The following AGBL5 variants were observed in gnomAD, a reference collection of about 807,000 sequenced individuals.
AGBL5 encodes the protein cytosolic carboxypeptidase-like protein 5.
AGBL5 carries 51 observed loss-of-function variants against 88.0 expected under a neutral mutation model. That is an observed-to-expected ratio of 0.58 (90% CI 0.46 to 0.73). The LOEUF (loss-of-function observed/expected upper bound fraction) is 0.73, where lower values mean the gene tolerates loss of function less well. Among genes scored for constraint, AGBL5 ranks in the 30% least tolerant of loss-of-function variants. The probability of loss-of-function intolerance (pLI) is 0.00; values close to 1 mark genes in which losing one functional copy is unlikely to be tolerated. For missense variants in AGBL5, 1,031 were observed against 1,162.2 expected (o/e 0.89, Z 1.64); for synonymous variants, 446 against 438.8 (o/e 1.02, Z -0.21).
In AGBL5 at chr2:27,053,098, C is replaced by T. The variant is rs375216518; in HGVS notation, c.140C>T (p.Ala47Val). Residue 47 changes from alanine to valine, a missense_variant, in exon 2 of 15, where the codon GCC (alanine) becomes GTC (valine). This residue lies in a region of AGBL5 where 540 missense variants were observed against 678.2 expected (regional missense o/e 0.80). Coordinates refer to ENST00000360131, the MANE Select transcript of AGBL5 (RefSeq NM_021831.6). This position sits in a 1 kb window ranked among gnomAD's most constrained non-coding sequence, Gnocchi z 4.9. ...GCGTCAGCCCTGACCAGTGGCATTG[C>T]CTCTTCCCCTGACTATGAATTCAAC... The part of the protein sequence containing the change: ...GGASALTSGI[A>V]SSPDYEFNVW... 22 of 1,612,956 alleles carry T rather than the reference C, an allele frequency of 1.4e-5. No individual in the cohort carries two copies. Among genetic ancestry groups the T allele is most frequent in the Non-Finnish European group, 1.8e-5 (21 of 1,179,370 alleles).
At position 27,070,306 on chromosome 2, in the gene AGBL5, G is replaced by T. The variant is rs1391814645; in HGVS notation, c.*43G>T. On this transcript the variant is annotated 3_prime_UTR_variant, in exon 15 of 15. Coordinates refer to ENST00000360131, the MANE Select transcript of AGBL5 (RefSeq NM_021831.6). ...AGCCCAGGATATAGCCCCAAGATGGGGTAACAGTGGGAAATATGCTAGTTC... is the reference window on the plus strand; with the variant it reads ...AGCCCAGGATATAGCCCCAAGATGGTGTAACAGTGGGAAATATGCTAGTTC... The T allele has an allele frequency of 5.0e-6, 8 of 1,593,610 alleles. No individual in the cohort carries two copies. The highest frequency in any genetic ancestry group is 1.7e-5 in the Admixed American group (1 of 59,784).
At chr2:27,054,547 T>TAC in intron 4 of AGBL5, 83 bp from the exon 5 acceptor site, 1 of 1,382,262 alleles carries the variant, frequency 7.2e-7, no homozygotes. Context: ...GACCAGATTT[T>TAC]ACAGATCCTG....
rs773270119 is a variant in AGBL5 at position 27,068,650 on chromosome 2, T to C, written c.2261T>C (p.Leu754Ser). The C allele has an allele frequency of 4.3e-6, 7 of 1,613,952 alleles. No homozygotes were observed. In the African/African-American group the frequency reaches 6.7e-5, roughly 15 times the overall value. ...FNIPGSSCSL[L>S]SSGDKPEAVM... ...TCCCTAGGGAGCAGTTGCTCACTCTTGTCCTCTGGAGACAAACCAGAGGCT... is the reference window on the plus strand; with the variant it reads ...TCCCTAGGGAGCAGTTGCTCACTCTCGTCCTCTGGAGACAAACCAGAGGCT... The change falls in exon 13 of 15, where the codon TTG becomes TCG. Residue 754 changes from leucine to serine, a missense_variant. Leu to Ser is a moderately radical substitution (Grantham distance 145). This residue lies in a region of AGBL5 where 491 missense variants were observed against 484.0 expected (regional missense o/e 1.01). Coordinates refer to ENST00000360131, the MANE Select transcript of AGBL5 (RefSeq NM_021831.6).
At chr2:27,068,999 T>G (rs1669136361) in intron 13 of AGBL5, 2 of 1,444,764 alleles carry the variant, frequency 1.4e-6, no homozygotes, top group Admixed American at 4.2e-5. Flanking sequence ...GCCTGCTAGC[T>G]TTGGCTTTCC....
chr2:27,069,476 A>C (rs1195637501), intron 13 of AGBL5, 97 bp from the exon 14 acceptor site: 1 of 1,547,612 alleles, frequency 6.5e-7, no homozygotes, highest in Non-Finnish European at 8.7e-7. Flanking sequence ...TGATCCCTAT[A>C]CTACAACACT....
rs188976918 is a variant in AGBL5 at position 27,059,198 on chromosome 2, C to T, written c.1883C>T (p.Pro628Leu). ...RTPPKSHNGL[P>L]VSCSENTLSR... is the part of the protein sequence containing the mutation. ...CATCTGCTTCTTTGCAGTGGGTTGC[C>T]TGTCTCCTGCTCCGAAAACACCTTG... is the stretch of plus-strand genomic sequence containing the variant. Residue 628 changes from proline (P) to leucine (L), a missense_variant, in exon 11 of 15, where the codon CCT (proline) becomes CTT (leucine). Transcript: ENST00000360131. 45 of 1,613,240 alleles carry T rather than the reference C, an allele frequency of 2.8e-5. No homozygotes were observed. The East Asian group carries it at 9.6e-4, about 34-fold the overall frequency.
intron 12 of AGBL5, chr2:27,067,896 T>C (rs1433301131): frequency 1.8e-5 from 10 of 546,910 alleles, no homozygotes; most frequent in Non-Finnish European, 3.0e-5. Context: ...ATTTTATCAG[T>C]TGAGGAACCT....
In AGBL5 at chr2:27,068,661, G is replaced by T; in HGVS notation, c.2272G>T (p.Asp758Tyr). The T allele has an allele frequency of 1.2e-6, 2 of 1,614,118 alleles. No homozygotes were observed. The highest frequency in any genetic ancestry group is 8.5e-7 in the Non-Finnish European group (1 of 1,180,028). Residue 758 changes from aspartate to tyrosine, a missense_variant, in exon 13 of 15, where the codon GAC becomes TAC. Physicochemically the swap from Asp to Tyr is radical, Grantham distance 160 (BLOSUM62 -3). Transcript: ENST00000360131. The stretch of plus-strand genomic sequence containing the variant: ...CAGTTGCTCACTCTTGTCCTCTGGA[G>T]ACAAACCAGAGGCTGTCATGGTAAT... Reference protein sequence around the residue: ...GSSCSLLSSGDKPEAVMVIGK... With the variant: ...GSSCSLLSSGYKPEAVMVIGK...
chr2:27,064,444 C>T (rs749821879), intron 11 of AGBL5, among the ~76,000 whole-genome samples: 105 of 151,934 alleles, frequency 6.9e-4, no homozygotes, highest in Non-Finnish European at 1.3e-3. Flanking sequence ...TACAGGTGCA[C>T]ACCACCACAC....
At chr2:27,069,870 G>C (rs1202889967) in intron 14 of AGBL5, 164 bp downstream of exon 14, 1 of 985,194 alleles carries the variant, frequency 1.0e-6, no homozygotes, top group East Asian at 1.1e-4. Flanking sequence ...CCCCCACCAT[G>C]GCCAAGTCTT....
intron 9 of AGBL5, 104 bp downstream of exon 9, chr2:27,057,542 ACT>A: frequency 7.6e-7 from 1 of 1,310,194 alleles, no homozygotes; most frequent in Non-Finnish European, 1.0e-6. Flanking sequence ...GATATTCATC[ACT>A]ATGGCCGTCT....
Position 27,066,752 on chromosome 2 carries a change from C to T in AGBL5, c.2090-742C>T, listed in dbSNP as rs191289969. Among the ~76,000 whole-genome samples, 5 of 151,852 alleles carry T rather than the reference C, an allele frequency of 3.3e-5. No individual in the cohort carries two copies. The East Asian group carries it at 9.7e-4, about 29-fold the overall frequency. On this transcript the variant is annotated intron_variant, in intron 11 of 14. Transcript: ENST00000360131. ...TTGAGCCTAGGAGTTCAAGACCAGC[C>T]TGGGCAACATGGCAAAACCCCGTCT...
rs759449969 is a variant in AGBL5, at chr2:27,069,638, C to G, written c.2421C>G (p.Pro807=). The change falls in exon 14 of 15, where the codon CCC becomes CCG. Residue 807 remains proline, a synonymous_variant. Transcript: ENST00000360131. ...TRRGMKGSSG[P]TSPTPRTRES... ...GAGGGATGAAAGGCTCTTCAGGCCC[C>G]ACATCCCCTACCCCCCGGACCAGGG... The G allele has an allele frequency of 1.2e-6, 2 of 1,614,198 alleles. No homozygotes were observed.
rs763843710 is a variant in AGBL5, at chr2:27,070,139, C to T, written c.2537C>T (p.Ser846Phe). The T allele has an allele frequency of 8.7e-6, 14 of 1,614,192 alleles. No homozygotes were observed. Among genetic ancestry groups the T allele is most frequent in the Non-Finnish European group, 7.6e-6 (9 of 1,179,996 alleles). Residue 846 changes from serine to phenylalanine, a missense_variant, in exon 15 of 15, where the codon TCT becomes TTT. Transcript: ENST00000360131. ...CGGCCCCGCTCTGCCCCTGCCTTTTCTCCTATATCCTGTAGTCTATCTGAC... is the reference window on the plus strand; with the variant it reads ...CGGCCCCGCTCTGCCCCTGCCTTTTTTCCTATATCCTGTAGTCTATCTGAC... The part of the protein sequence containing the change: ...PPRPRSAPAF[S>F]PISCSLSDSP...
At chr2:27,062,180 A>ATG (rs1273170416) in intron 11 of AGBL5, among the ~76,000 whole-genome samples, 4 of 140,906 alleles carry the variant, frequency 2.8e-5, no homozygotes, top group Admixed American at 1.5e-4. Context: ...CTGGAGTGCA[A>ATG]TGGCATGATC....
At chr2:27,064,872 G>C (rs139623340) in intron 11 of AGBL5, among the ~76,000 whole-genome samples, 1,970 of 148,568 alleles carry the variant, frequency 0.013, 29 homozygotes, top group South Asian at 0.043. Context: ...TCCTGCCTCA[G>C]CCTCTGGAGT....
rs1668807351 is a variant in AGBL5 at position 27,063,325 on chromosome 2, G to T, written c.2089+3921G>T. 2.0e-5 allele frequency among the ~76,000 whole-genome samples: 3 copies of T among 152,200 alleles called. No homozygotes were observed. In the East Asian group the frequency reaches 5.8e-4, roughly 29 times the overall value. ...ATGCTTGTCTCGGCCGGGCGTGGTG[G>T]CTCACGCCTGTAATCCCAGCACTTT... On this transcript the variant is annotated intron_variant, in intron 11 of 14. Coordinates refer to ENST00000360131, the MANE Select transcript of AGBL5 (RefSeq NM_021831.6).
At position 27,070,336 on chromosome 2, in the gene AGBL5, C is replaced by T. The variant is rs1249798637; in HGVS notation, c.*73C>T. On this transcript the variant is annotated 3_prime_UTR_variant, in exon 15 of 15. Coordinates refer to ENST00000360131, the MANE Select transcript of AGBL5 (RefSeq NM_021831.6). Reference sequence around the variant, plus strand: ...CAGTGGGAAATATGCTAGTTCCCCTCCAGGCCGCTGATTCCATGTGACAGC... The same window carrying T: ...CAGTGGGAAATATGCTAGTTCCCCTTCAGGCCGCTGATTCCATGTGACAGC... The T allele has an allele frequency of 6.8e-7, 1 of 1,480,012 alleles. No homozygotes were observed. The highest frequency in any genetic ancestry group is 9.4e-7 in the Non-Finnish European group (1 of 1,066,036). 91.7% of individuals were successfully genotyped at this position (1,480,012 alleles called of 1,614,324 possible).
intron 11 of AGBL5, among the ~76,000 whole-genome samples, chr2:27,064,468 G>A (rs770286413): frequency 6.6e-6 from 1 of 151,254 alleles, no homozygotes; most frequent in Non-Finnish European, 1.5e-5. Context: ...GCTGATTTTT[G>A]TATTTCTTTT....
Sources: gnomAD v4.1 joint callset for allele counts (sites outside exome capture counted in the v4.1 genomes callset) on GRCh38, gnomAD v4.1.1 for gene constraint, gnomAD v4.1.1 regional missense constraint, Gnocchi (gnomAD v3.1) non-coding constraint, MANE v1.5 for transcripts, NCBI Gene and HGNC (gene_info 2026-07-23, HGNC 2026-07-21) for gene names.